SLC20A2: variants seen among roughly 807,000 people sequenced by gnomAD.
SLC20A2 encodes the protein sodium-dependent phosphate transporter 2.
A neutral mutation model predicts 61.0 loss-of-function variants in SLC20A2; 30 were observed. The ratio of observed to expected loss-of-function variants is 0.49; its 90% CI spans 0.37 to 0.67. SLC20A2 has a LOEUF of 0.67. SLC20A2 is among the 30% of genes least tolerant of loss of function. The pLI, the probability that SLC20A2 is intolerant of heterozygous loss-of-function variation, is 0.00. For missense variants in SLC20A2, 626 were observed against 866.4 expected (o/e 0.72, Z 3.48); for synonymous variants, 351 against 353.3 (o/e 0.99, Z 0.07).
At chr8:42,442,315 A>G (rs991829745) in intron 6 of SLC20A2, among the ~76,000 whole-genome samples, 5 of 152,090 alleles carry the variant, frequency 3.3e-5, no homozygotes, top group African/African-American at 1.2e-4. Flanking sequence ...GTTTTCCCTT[A>G]TATTTTTTTT....
At chr8:42,462,887 C>T (rs1171142509) in intron 4 of SLC20A2, 118 bp downstream of exon 4, 12 of 565,294 alleles carry the variant, frequency 2.1e-5, no homozygotes, top group Non-Finnish European at 3.4e-5. Flanking sequence ...CTGCAGGGTG[C>T]TGTGCCTTGA....
At chr8:42,457,767 G>A (rs1806332507) in intron 5 of SLC20A2, among the ~76,000 whole-genome samples, 1 of 152,186 alleles carries the variant, frequency 6.6e-6, no homozygotes, top group Non-Finnish European at 1.5e-5. Context: ...TTACAGGCAT[G>A]AGCCACTGCG....
intron 1 of SLC20A2, among the ~76,000 whole-genome samples, chr8:42,494,418 A>G (rs1348016263): frequency 6.6e-6 from 1 of 152,132 alleles, no homozygotes; most frequent in Non-Finnish European, 1.5e-5. Context: ...ATGCTTATTG[A>G]AGAAAAAAAT....
intron 1 of SLC20A2, among the ~76,000 whole-genome samples, chr8:42,498,685 C>G (rs569270142): frequency 6.6e-6 from 1 of 152,182 alleles, no homozygotes; most frequent in Non-Finnish European, 1.5e-5. Context: ...AAGCTGAAGG[C>G]ATCCCTCCTG....
intron 1 of SLC20A2, among the ~76,000 whole-genome samples, chr8:42,512,047 A>G (rs1416756706): frequency 6.6e-6 from 1 of 152,190 alleles, no homozygotes; most frequent in Non-Finnish European, 1.5e-5. Context: ...GACAAACAGT[A>G]CTGGGATAGT....
intron 1 of SLC20A2, among the ~76,000 whole-genome samples, chr8:42,522,915 G>T (rs909387099): frequency 6.1e-5 from 9 of 148,242 alleles, no homozygotes; most frequent in South Asian, 2.1e-4. Flanking sequence ...GGGGTGGGGG[G>T]GGTCTCTCTG....
At position 42,444,651 on chromosome 8, in the gene SLC20A2, ATTT is replaced by A; in HGVS notation, c.722_724del (p.Lys241del). 2.5e-6 allele frequency: 4 copies of A among 1,612,650 alleles called. No homozygotes were observed. The highest frequency in any genetic ancestry group is 3.4e-6 in the Non-Finnish European group (4 of 1,178,840). On this transcript the variant is annotated inframe_deletion, in exon 6 of 11. Transcript: ENST00000520262. ...AAGAATTAAAAGGCCCATACCTGTT[ATTT>A]TCCTCCGCATCCACGGACACACGAA...
At chr8:42,529,044 A>G (rs2131427227) in intron 1 of SLC20A2, among the ~76,000 whole-genome samples, 1 of 151,922 alleles carries the variant, frequency 6.6e-6, no homozygotes, top group East Asian at 1.9e-4. Flanking sequence ...GCGTGATCGT[A>G]CCTCACCATA....
chr8:42,457,401 G>A lies in SLC20A2; in HGVS notation c.613+2495C>T, dbSNP rs754514001. Among the ~76,000 whole-genome samples the A allele has an allele frequency of 4.8e-4, 73 of 151,948 alleles. 1 individual carries two copies. Among genetic ancestry groups the A allele is most frequent in the Middle Eastern group, 3.4e-3 (1 of 294 alleles). On this transcript the variant is annotated intron_variant, in intron 5 of 10. Transcript: ENST00000520262. ...TCTAACTTTGCTTCCTGCTTTCCTA[G>A]AACCTAAAGCAGCTCTGGCACTCCC...
At chr8:42,446,360 G>A (rs1805214249) in intron 5 of SLC20A2, among the ~76,000 whole-genome samples, 1 of 152,186 alleles carries the variant, frequency 6.6e-6, no homozygotes. Context: ...TGTCAATGGT[G>A]ACAACAGGCA....
intron 1 of SLC20A2, among the ~76,000 whole-genome samples, chr8:42,516,106 C>A (rs528528279): frequency 6.6e-6 from 1 of 152,324 alleles, no homozygotes; most frequent in South Asian, 2.1e-4. Context: ...AACTGTGATT[C>A]TTCTCCTCTC....
At chr8:42,468,316 G>A (rs1410036912) in intron 2 of SLC20A2, among the ~76,000 whole-genome samples, 1 of 152,214 alleles carries the variant, frequency 6.6e-6, no homozygotes, top group African/African-American at 2.4e-5. Context: ...TTCTGTGGCT[G>A]ACTTTACAAA....
chr8:42,435,438 CAG>C (rs1264774216), intron 8 of SLC20A2, among the ~76,000 whole-genome samples: 1 of 152,180 alleles, frequency 6.6e-6, no homozygotes, highest in Non-Finnish European at 1.5e-5. Flanking sequence ...GCATATTACA[CAG>C]GGGAAGCCTG....
chr8:42,497,826 TCA>T (rs1336906474), intron 1 of SLC20A2, among the ~76,000 whole-genome samples: 2 of 151,504 alleles, frequency 1.3e-5, no homozygotes, highest in East Asian at 3.9e-4. Flanking sequence ...GGGGAGGGAC[TCA>T]CAGACTCACA....
At chr8:42,512,708 G>A (rs1811100014) in intron 1 of SLC20A2, among the ~76,000 whole-genome samples, 1 of 152,060 alleles carries the variant, frequency 6.6e-6, no homozygotes, top group South Asian at 2.1e-4. Context: ...ATATTTATAA[G>A]GTCCAACCAA....
At chr8:42,484,839 C>A in intron 1 of SLC20A2, 1 of 335,156 alleles carries the variant, frequency 3.0e-6, no homozygotes, top group Non-Finnish European at 5.9e-6. Context: ...GGCATCCAGC[C>A]AGCTGGGTGT....
intron 2 of SLC20A2, among the ~76,000 whole-genome samples, chr8:42,466,789 C>T (rs1372187815): frequency 1.3e-5 from 2 of 152,056 alleles, no homozygotes; most frequent in African/African-American, 4.8e-5. Context: ...CTGTCTCAGC[C>T]TCCCAAGCAG....
chr8:42,424,023 A>T (rs1003588882), intron 10 of SLC20A2, among the ~76,000 whole-genome samples: 1 of 152,216 alleles, frequency 6.6e-6, no homozygotes, highest in Non-Finnish European at 1.5e-5. Context: ...TTGAATCATC[A>T]TCTATGTCAT....
intron 1 of SLC20A2, among the ~76,000 whole-genome samples, chr8:42,519,443 T>TAAAAAAAAAAAAAAAA (rs11284092): frequency 3.6e-4 from 49 of 136,408 alleles, no homozygotes; most frequent in Admixed American, 1.4e-3. Flanking sequence ...GACTCCATCT[T>TAAAAAAAAAAAAAAAA]AAAAAAAAAA....
Sources: gnomAD v4.1 joint callset for allele counts (sites outside exome capture counted in the v4.1 genomes callset) on GRCh38, gnomAD v4.1.1 for gene constraint, MANE v1.5 for transcripts, NCBI Gene and HGNC (gene_info 2026-07-23, HGNC 2026-07-21) for gene names.